Variants in BMP6 observed in about 807,000 individuals in gnomAD.
The protein encoded by BMP6 is VG-1-R.
Under a neutral mutation model 54.1 loss-of-function variants are expected in BMP6, and 17 were observed. The ratio of observed to expected loss-of-function variants is 0.31; its 90% CI spans 0.22 to 0.47. The LOEUF (loss-of-function observed/expected upper bound fraction) is 0.47. Ranked by LOEUF, BMP6 falls within the 20% of genes least tolerant of loss-of-function variation. The pLI, the probability that BMP6 is intolerant of heterozygous loss-of-function variation, is 1.00. For missense variants in BMP6, 720 were observed against 690.4 expected (o/e 1.04, Z -0.48); for synonymous variants, 328 against 291.2 (o/e 1.13, Z -1.28).
intron 1 of BMP6, among the ~76,000 whole-genome samples, chr6:7,734,658 G>A (rs1761925938): frequency 6.6e-6 from 1 of 152,150 alleles, no homozygotes; most frequent in African/African-American, 2.4e-5. Flanking sequence ...TTTCTGCTCC[G>A]AAATTGAGTT....
chr6:7,809,246 T>C (rs185733923), intron 1 of BMP6, among the ~76,000 whole-genome samples: 2 of 152,312 alleles, frequency 1.3e-5, no homozygotes, highest in African/African-American at 4.8e-5. Context: ...AATAAACTCA[T>C]TGGAATGAGT....
chr6:7,859,437 G>A (rs764947376), intron 2 of BMP6, among the ~76,000 whole-genome samples: 1 of 152,046 alleles, frequency 6.6e-6, no homozygotes, highest in Non-Finnish European at 1.5e-5. Flanking sequence ...CCTTACCCCC[G>A]AGATTCCCAC....
chr6:7,733,612 C>A lies in BMP6; in HGVS notation c.664+5993C>A, dbSNP rs140661094. Among the ~76,000 whole-genome samples the A allele has an allele frequency of 2.4e-3, 358 of 152,320 alleles. 1 individual carries two copies. The highest frequency in any genetic ancestry group is 8.2e-3 in the African/African-American group (343 of 41,576). On this transcript the variant is annotated intron_variant, in intron 1 of 6. Transcript: ENST00000283147. ...GGCAGATATAGGGCATAGCTGGCAT[C>A]TTCTCTTGTGTTCCCCGCAAGGAAC...
intron 1 of BMP6, among the ~76,000 whole-genome samples, chr6:7,817,380 G>A (rs1758543961): frequency 6.6e-6 from 1 of 152,028 alleles, no homozygotes; most frequent in African/African-American, 2.4e-5. Flanking sequence ...ATACACCATG[G>A]AATACTATGC....
intron 2 of BMP6, among the ~76,000 whole-genome samples, chr6:7,845,702 G>A (rs1759050693): frequency 6.6e-6 from 1 of 152,050 alleles, no homozygotes. Context: ...GCTTGTAAGT[G>A]ATAATAATTC....
chr6:7,819,068 A>G (rs1051307921), intron 1 of BMP6, among the ~76,000 whole-genome samples: 2 of 152,170 alleles, frequency 1.3e-5, no homozygotes, highest in Admixed American at 6.5e-5. Context: ...GGAAAAAGAC[A>G]AGCTGCAATG....
At chr6:7,734,412 A>G (rs1400106056) in intron 1 of BMP6, among the ~76,000 whole-genome samples, 2 of 152,210 alleles carry the variant, frequency 1.3e-5, no homozygotes, top group African/African-American at 4.8e-5. Flanking sequence ...GAAAACACAC[A>G]GAGATCCTAG....
chr6:7,800,079 GGTGTGTGTGTGTGTGTGTGTGTGTGT>G lies in BMP6; in HGVS notation c.665-45043_665-45018del, dbSNP rs72469855. On this transcript the variant is annotated intron_variant, in intron 1 of 6. Transcript: ENST00000283147. ...TGAGTGTTATTACGATAAAGGAAGG[GGTGTGTGTGTGTGTGTGTGTGTGTGT>G]GTGTGTGTGTGTGTGTGATCTAAAA... Among the ~76,000 whole-genome samples the G allele has an allele frequency of 2.9e-3, 417 of 145,158 alleles. 4 individuals carry two copies. Among genetic ancestry groups the G allele is most frequent in the African/African-American group, 9.9e-3 (390 of 39,356 alleles).
At chr6:7,827,411 A>G (rs1483602294) in intron 1 of BMP6, among the ~76,000 whole-genome samples, 1 of 152,230 alleles carries the variant, frequency 6.6e-6, no homozygotes. Context: ...CACCAATAAT[A>G]AAGTACAATG....
chr6:7,859,883 C>T (rs1415023471), intron 2 of BMP6, among the ~76,000 whole-genome samples: 1 of 151,904 alleles, frequency 6.6e-6, no homozygotes, highest in African/African-American at 2.4e-5. Context: ...AATAGAGTTC[C>T]CTTCTCACTT....
At chr6:7,830,976 ACACGTACT>A in intron 1 of BMP6, among the ~76,000 whole-genome samples, 1 of 152,228 alleles carries the variant, frequency 6.6e-6, no homozygotes, top group Non-Finnish European at 1.5e-5. Context: ...AGAACTGAAA[ACACGTACT>A]CACATACAAG....
intron 1 of BMP6, among the ~76,000 whole-genome samples, chr6:7,754,028 A>C (rs1269699740): frequency 6.6e-6 from 1 of 152,166 alleles, no homozygotes; most frequent in Non-Finnish European, 1.5e-5. Flanking sequence ...TGCCCTTCAA[A>C]AGAATATGTG....
At chr6:7,803,027 A>G (rs1343173330) in intron 1 of BMP6, among the ~76,000 whole-genome samples, 1 of 152,190 alleles carries the variant, frequency 6.6e-6, no homozygotes, top group Non-Finnish European at 1.5e-5. Context: ...ACAAAAGCAA[A>G]TCAACCTGGG....
intron 1 of BMP6, among the ~76,000 whole-genome samples, chr6:7,734,169 T>C (rs1761918215): frequency 6.6e-6 from 1 of 152,154 alleles, no homozygotes; most frequent in African/African-American, 2.4e-5. Context: ...ATCCCTAACA[T>C]GGTTTTTCTG....
chr6:7,769,445 C>T (rs987378574), intron 1 of BMP6, among the ~76,000 whole-genome samples: 4 of 152,224 alleles, frequency 2.6e-5, no homozygotes, highest in East Asian at 1.9e-4. Flanking sequence ...AGTTTGCTAT[C>T]GCCTGGCTTT....
At chr6:7,730,907 T>C (rs973185002) in intron 1 of BMP6, among the ~76,000 whole-genome samples, 1 of 152,228 alleles carries the variant, frequency 6.6e-6, no homozygotes, top group African/African-American at 2.4e-5. Flanking sequence ...AGGGAAAGTA[T>C]TACATAGTTG....
chr6:7,771,810 T>C (rs1044479942), intron 1 of BMP6, among the ~76,000 whole-genome samples: 5 of 152,240 alleles, frequency 3.3e-5, no homozygotes, highest in Non-Finnish European at 5.9e-5. Context: ...CCCAGCACTT[T>C]GGGAGGCCGA....
chr6:7,728,851 A>G (rs887793628), intron 1 of BMP6, among the ~76,000 whole-genome samples: 2 of 152,182 alleles, frequency 1.3e-5, no homozygotes, highest in East Asian at 1.9e-4. Flanking sequence ...TTTTAACGGC[A>G]TTACTTACTG....
At chr6:7,760,094 T>C (rs1164984108) in intron 1 of BMP6, among the ~76,000 whole-genome samples, 1 of 148,220 alleles carries the variant, frequency 6.7e-6, no homozygotes, top group Non-Finnish European at 1.5e-5. Context: ...AGATACAAGA[T>C]CTCGCTCTGT....
Sources: gnomAD v4.1 joint callset for allele counts (sites outside exome capture counted in the v4.1 genomes callset) on GRCh38, gnomAD v4.1.1 for gene constraint, MANE v1.5 for transcripts, NCBI Gene and HGNC (gene_info 2026-07-23, HGNC 2026-07-21) for gene names.